The following HAUS1 variants were observed in gnomAD, a reference collection of about 807,000 sequenced individuals.
HAUS1 encodes the protein HAUS augmin like complex subunit 1, also known as HAUS augmin-like complex subunit 1.
A neutral mutation model predicts 38.6 loss-of-function variants in HAUS1; 25 were observed. That is an observed-to-expected ratio of 0.65 (90% CI 0.47 to 0.91). HAUS1 has a LOEUF of 0.91. Ranked by LOEUF, HAUS1 falls within the 40% of genes least tolerant of loss-of-function variation. The pLI is 0.00. For synonymous variants in HAUS1, 109 were observed against 112.9 expected (o/e 0.97, Z 0.22); for missense variants, 325 against 328.4 (o/e 0.99, Z 0.08).
intron 2 of HAUS1, among the ~76,000 whole-genome samples, 189 bp from the exon 3 acceptor site, chr18:46,117,992 G>A (rs979609400): frequency 3.3e-5 from 5 of 152,128 alleles, no homozygotes; most frequent in Non-Finnish European, 5.9e-5. Flanking sequence ...GGGATGTAGA[G>A]TTTCTTTTTG....
intron 3 of HAUS1, among the ~76,000 whole-genome samples, chr18:46,119,698 T>C (rs1361236171): frequency 6.6e-6 from 1 of 152,130 alleles, no homozygotes; most frequent in Admixed American, 6.6e-5. Flanking sequence ...AGGTAGTTAA[T>C]GCCAGGATGA....
At chr18:46,125,322 G>A (rs539558954) in intron 7 of HAUS1, among the ~76,000 whole-genome samples, 6 of 151,796 alleles carry the variant, frequency 4.0e-5, no homozygotes, top group East Asian at 1.9e-4. Flanking sequence ...AGGCCGAGAC[G>A]GGCAGATCAC....
intron 4 of HAUS1, chr18:46,121,662 G>C (rs531822949): frequency 2.6e-5 from 4 of 151,814 alleles, no homozygotes; most frequent in Non-Finnish European, 5.9e-5. Flanking sequence ...TTGAGTAGAG[G>C]CCACTCTAAT....
At position 46,128,134 on chromosome 18, in the gene HAUS1, A is replaced by G. The variant is rs756200405; in HGVS notation, c.*9A>G. The stretch of plus-strand genomic sequence containing the variant: ...ACATGATGGAACTGTGACAAAAGCC[A>G]AATAAACATCCTTTTCCCTAACAAA... On this transcript the variant is annotated 3_prime_UTR_variant, in exon 9 of 9. Coordinates refer to ENST00000282058, the MANE Select transcript of HAUS1 (RefSeq NM_138443.4). The G allele has an allele frequency of 6.4e-7, 1 of 1,566,768 alleles. No individual in the cohort carries two copies. The highest frequency in any genetic ancestry group is 8.7e-7 in the Non-Finnish European group (1 of 1,152,662).
At chr18:46,113,028 T>C (rs1911708187) in intron 2 of HAUS1, among the ~76,000 whole-genome samples, 1 of 119,446 alleles carries the variant, frequency 8.4e-6, no homozygotes, top group Non-Finnish European at 1.7e-5. Flanking sequence ...TTCCATATTA[T>C]ATATATAATA....
chr18:46,105,551 TGTG>T, intron 2 of HAUS1, 183 bp downstream of exon 2: 3 of 43,780 alleles, frequency 6.9e-5, no homozygotes, highest in Non-Finnish European at 1.4e-4. Context: ...TGTATATGTA[TGTG>T]TGTGTGTGTG....
At chr18:46,110,574 C>G (rs1042116545) in intron 2 of HAUS1, among the ~76,000 whole-genome samples, 4 of 151,798 alleles carry the variant, frequency 2.6e-5, no homozygotes, top group African/African-American at 4.8e-5. Flanking sequence ...AGCTCCTAAC[C>G]TCAGGTGATC....
In HAUS1 at chr18:46,105,278, C is replaced by A; in HGVS notation, c.115C>A (p.His39Asn). The change falls in exon 2 of 9, where the codon CAC becomes AAC. Residue 39 changes from histidine to asparagine, a missense_variant. His to Asn is a moderately conservative substitution (Grantham distance 68, BLOSUM62 1). Coordinates refer to ENST00000282058, the MANE Select transcript of HAUS1 (RefSeq NM_138443.4). ...CCCACGGACCACAGAGATTTTACATCACCTTTCAGAACGCAACAGGGTCCG... is the reference window on the plus strand; with the variant it reads ...CCCACGGACCACAGAGATTTTACATAACCTTTCAGAACGCAACAGGGTCCG... Reference protein sequence around the residue: ...VNPRTTEILHHLSERNRVRDR... With the variant: ...VNPRTTEILHNLSERNRVRDR... The A allele has an allele frequency of 6.2e-7, 1 of 1,613,616 alleles. No individual in the cohort carries two copies. The highest frequency in any genetic ancestry group is 2.2e-5 in the East Asian group (1 of 44,886).
At chr18:46,125,895 C>T in intron 8 of HAUS1, 104 bp downstream of exon 8, 1 of 734,524 alleles carries the variant, frequency 1.4e-6, no homozygotes, top group Non-Finnish European at 2.3e-6. Context: ...CAGTGGTAAG[C>T]TGCAGTCCTA....
At chr18:46,104,475 TG>T in intron 1 of HAUS1, 34 bp downstream of exon 1, 1 of 1,454,424 alleles carries the variant, frequency 6.9e-7, no homozygotes, top group African/African-American at 1.5e-5. Context: ...GTTGGCCTCC[TG>T]GAAAACGCGT....
intron 2 of HAUS1, among the ~76,000 whole-genome samples, chr18:46,107,445 A>G (rs193297935): frequency 6.6e-6 from 1 of 152,322 alleles, no homozygotes; most frequent in East Asian, 1.9e-4. Context: ...TGTTCTAACT[A>G]ATGTATGCAA....
chr18:46,123,311 G>T lies in HAUS1; in HGVS notation c.613G>T (p.Ala205Ser). The T allele has an allele frequency of 6.2e-7, 1 of 1,610,796 alleles. No homozygotes were observed. Among genetic ancestry groups the T allele is most frequent in the Non-Finnish European group, 8.5e-7 (1 of 1,177,918 alleles). The change falls in exon 6 of 9, where the codon GCC becomes TCC. Residue 205 changes from alanine (A) to serine (S), a missense_variant. Transcript: ENST00000282058. ...TTGGTAATTGTAGGAGCAACTTTCA[G>T]CCAGAGGCATGGATGCTTCTCTGTC... The part of the protein sequence containing the change: ...GIKAAEEQLS[A>S]RGMDASLSHQ...
At chr18:46,114,666 A>G (rs926244150) in intron 2 of HAUS1, among the ~76,000 whole-genome samples, 44 of 152,246 alleles carry the variant, frequency 2.9e-4, no homozygotes, top group African/African-American at 1.0e-3. Flanking sequence ...TAGTGGCAGG[A>G]TGAAAAACAC....
At position 46,123,586 on chromosome 18, in the gene HAUS1, C is replaced by T. The variant is rs111392424; in HGVS notation, c.666+222C>T. On this transcript the variant is annotated intron_variant, in intron 6 of 8. Transcript: ENST00000282058. Reference sequence around the variant, plus strand: ...CCTTTTTATTATAAGTTAGAAACTCCGCTGGAGTCACTTATGTATTATTGA... The same window carrying T: ...CCTTTTTATTATAAGTTAGAAACTCTGCTGGAGTCACTTATGTATTATTGA... Among the ~76,000 whole-genome samples, 904 of 152,162 alleles carry T rather than the reference C, an allele frequency of 5.9e-3. 19 individuals carry two copies. The highest frequency in any genetic ancestry group is 0.033 in the Admixed American group (502 of 15,250).
chr18:46,104,735 G>C lies in HAUS1; in HGVS notation c.30+294G>C, dbSNP rs540146965. On this transcript the variant is annotated intron_variant, in intron 1 of 8. Coordinates refer to ENST00000282058, the MANE Select transcript of HAUS1 (RefSeq NM_138443.4). ...CTTATGAAGCCAAACCCGCCTTCCG[G>C]TTCGCTGCTCAGCCCGGCGGCTTCC... Among the ~76,000 whole-genome samples the C allele has an allele frequency of 3.3e-5, 5 of 151,652 alleles. 1 individual carries two copies. The highest frequency in any genetic ancestry group is 6.6e-5 in the Admixed American group (1 of 15,168).
At chr18:46,113,854 A>C (rs760562917) in intron 2 of HAUS1, among the ~76,000 whole-genome samples, 3 of 152,114 alleles carry the variant, frequency 2.0e-5, no homozygotes, top group Non-Finnish European at 2.9e-5. Flanking sequence ...GGATTATTTT[A>C]ATGAAGTCTG....
chr18:46,122,632 G>A, intron 5 of HAUS1, 42 bp downstream of exon 5: 2 of 1,607,440 alleles, frequency 1.2e-6, no homozygotes, highest in Non-Finnish European at 1.7e-6. Flanking sequence ...TCTTCGGCCT[G>A]ATTTTTTACC....
chr18:46,125,121 C>T (rs1912063138), intron 7 of HAUS1, among the ~76,000 whole-genome samples: 1 of 149,284 alleles, frequency 6.7e-6, no homozygotes, highest in South Asian at 2.1e-4. Context: ...TTAGCTGGAC[C>T]CAGTGGTGCG....
chr18:46,107,476 G>A (rs1911509119), intron 2 of HAUS1, among the ~76,000 whole-genome samples: 2 of 152,124 alleles, frequency 1.3e-5, no homozygotes, highest in South Asian at 4.1e-4. Context: ...CAATTTTTAT[G>A]TCTAGGTATC....
Sources: gnomAD v4.1 joint callset for allele counts (sites outside exome capture counted in the v4.1 genomes callset) on GRCh38, gnomAD v4.1.1 for gene constraint, MANE v1.5 for transcripts, NCBI Gene and HGNC (gene_info 2026-07-23, HGNC 2026-07-21) for gene names.